ZMAT4: variants seen among roughly 807,000 people sequenced by gnomAD.
ZMAT4 encodes the protein zinc finger matrin-type protein 4.
Under a neutral mutation model 28.7 loss-of-function variants are expected in ZMAT4, and 17 were observed. The observed-to-expected ratio is 0.59, with a 90% CI of 0.41 to 0.89. The LOEUF (loss-of-function observed/expected upper bound fraction) is 0.89, where lower values mean the gene tolerates loss of function less well. Among genes scored for constraint, ZMAT4 ranks in the 40% least tolerant of loss-of-function variants. The probability of loss-of-function intolerance (pLI) is 0.00; values close to 1 mark genes in which losing one functional copy is unlikely to be tolerated. For missense variants in ZMAT4, 240 were observed against 283.8 expected, an observed-to-expected ratio of 0.85 and a Z score of 1.11; for synonymous variants, 117 against 109.2, an observed-to-expected ratio of 1.07 and a Z score of -0.44.
chr8:40,645,327 A>G (rs1211417414), intron 5 of ZMAT4, among the ~76,000 whole-genome samples: 1 of 152,166 alleles, frequency 6.6e-6, no homozygotes, highest in Non-Finnish European at 1.5e-5. Flanking sequence ...ATAAGAAAGA[A>G]CCTAACTTTA....
At chr8:40,841,718 C>T (rs565134142) in intron 1 of ZMAT4, among the ~76,000 whole-genome samples, 7 of 152,200 alleles carry the variant, frequency 4.6e-5, no homozygotes, top group East Asian at 3.9e-4. Context: ...CACTTTAGCC[C>T]GATAATAATA....
chr8:40,829,602 G>A (rs1441851432), intron 1 of ZMAT4, among the ~76,000 whole-genome samples: 3 of 152,152 alleles, frequency 2.0e-5, no homozygotes, highest in East Asian at 1.9e-4. Flanking sequence ...GATAACAGAG[G>A]CACAACCCCT....
At chr8:40,560,198 T>C (rs530837797) in intron 6 of ZMAT4, among the ~76,000 whole-genome samples, 298 of 3,248 alleles carry the variant, frequency 0.092, 4 homozygotes, top group Admixed American at 0.14. Context: ...TGTCAAACTT[T>C]ATATATATAT....
chr8:40,533,124 G>A (rs148807959), intron 6 of ZMAT4, among the ~76,000 whole-genome samples: 21 of 152,124 alleles, frequency 1.4e-4, no homozygotes, highest in African/African-American at 4.3e-4. Flanking sequence ...TGCCTACTAC[G>A]AGTCATGAAT....
intron 2 of ZMAT4, among the ~76,000 whole-genome samples, chr8:40,822,430 A>G (rs969377402): frequency 6.6e-6 from 1 of 152,248 alleles, no homozygotes; most frequent in African/African-American, 2.4e-5. Flanking sequence ...GGGCATGGAG[A>G]CTAAGTGTGA....
At chr8:40,800,080 C>G (rs1191033853) in intron 2 of ZMAT4, among the ~76,000 whole-genome samples, 1 of 152,182 alleles carries the variant, frequency 6.6e-6, no homozygotes, top group African/African-American at 2.4e-5. Context: ...TAACTACAGT[C>G]ATTTGCTGCA....
At chr8:40,729,761 G>C (rs1811460479) in intron 3 of ZMAT4, among the ~76,000 whole-genome samples, 1 of 152,018 alleles carries the variant, frequency 6.6e-6, no homozygotes, top group Non-Finnish European at 1.5e-5. Flanking sequence ...ACCACACCCA[G>C]CTAATCTTTG....
chr8:40,803,612 T>G (rs1814948884), intron 2 of ZMAT4, among the ~76,000 whole-genome samples: 1 of 152,150 alleles, frequency 6.6e-6, no homozygotes, highest in Admixed American at 6.5e-5. Flanking sequence ...CATCAGGAGC[T>G]CTCATCATTG....
chr8:40,752,065 T>C lies in ZMAT4; in HGVS notation c.192+15576A>G, dbSNP rs570532211. 1.6e-4 allele frequency among the ~76,000 whole-genome samples: 24 copies of C among 152,212 alleles called. No homozygotes were observed. The South Asian group carries it at 3.3e-3, about 21-fold the overall frequency. On this transcript the variant is annotated intron_variant, in intron 3 of 6. Coordinates refer to ENST00000297737, the MANE Select transcript of ZMAT4 (RefSeq NM_024645.3). ...TGAGATCCCAAGACCACACCTGAGTTCTACCAGCTGTTTAAGTAACCCCAG... is the reference window on the plus strand; with the variant it reads ...TGAGATCCCAAGACCACACCTGAGTCCTACCAGCTGTTTAAGTAACCCCAG...
At chr8:40,625,243 T>C (rs2122949) in intron 5 of ZMAT4, among the ~76,000 whole-genome samples, 136,483 of 152,066 alleles carry the variant, frequency 0.9, 61,801 homozygotes, top group Middle Eastern at 0.99. Flanking sequence ...GGGAAGGCAG[T>C]GAGGGACAGG....
rs572290287 is a variant in ZMAT4, at chr8:40,604,626, A to AT, written c.578-23366dup. Among the ~76,000 whole-genome samples the AT allele has an allele frequency of 1.8e-3, 280 of 152,148 alleles. 3 individuals are homozygous for AT. The highest frequency in any genetic ancestry group is 6.2e-3 in the African/African-American group (258 of 41,524). ...ATGCTGTTGGATTTGGTTAGCTGGT[A>AT]TTTTTTTGAGGATTTTTGCATCTAT... On this transcript the variant is annotated intron_variant, in intron 5 of 6. Transcript: ENST00000297737.
At chr8:40,887,975 C>A (rs1438035526) in intron 1 of ZMAT4, among the ~76,000 whole-genome samples, 1 of 152,218 alleles carries the variant, frequency 6.6e-6, no homozygotes, top group Non-Finnish European at 1.5e-5. Context: ...ACCCCTCCTG[C>A]CTCCCATGAG....
At chr8:40,852,755 A>G (rs1308995923) in intron 1 of ZMAT4, among the ~76,000 whole-genome samples, 1 of 152,226 alleles carries the variant, frequency 6.6e-6, no homozygotes, top group Admixed American at 6.5e-5. Context: ...TGCATTGGTA[A>G]AACTGTTCAG....
At chr8:40,710,842 G>A (rs141653855) in intron 3 of ZMAT4, among the ~76,000 whole-genome samples, 40,807 of 151,570 alleles carry the variant, frequency 0.27, 6,869 homozygotes, top group Middle Eastern at 0.43. Context: ...GTGCAGTGGC[G>A]CGATCTCGGC....
intron 1 of ZMAT4, among the ~76,000 whole-genome samples, chr8:40,853,286 G>C (rs1191432890): frequency 6.6e-6 from 1 of 152,214 alleles, no homozygotes; most frequent in Non-Finnish European, 1.5e-5. Flanking sequence ...GCTGGGCGCA[G>C]TGGCTCACGC....
intron 3 of ZMAT4, among the ~76,000 whole-genome samples, chr8:40,765,539 GT>G (rs1257452501): frequency 1.3e-5 from 2 of 152,166 alleles, no homozygotes; most frequent in Admixed American, 1.3e-4. Context: ...GTAGATCAAG[GT>G]TTTTCAAAAC....
intron 4 of ZMAT4, among the ~76,000 whole-genome samples, chr8:40,686,964 C>G (rs942902372): frequency 6.6e-6 from 1 of 151,970 alleles, no homozygotes; most frequent in Non-Finnish European, 1.5e-5. Context: ...CTGTGAAGAA[C>G]ATGAGGCGGG....
intron 6 of ZMAT4, among the ~76,000 whole-genome samples, chr8:40,536,715 C>T (rs1317841575): frequency 1.3e-5 from 2 of 151,972 alleles, no homozygotes; most frequent in African/African-American, 2.4e-5. Context: ...TCTTCCAGAT[C>T]GTGTTTCCTG....
chr8:40,592,288 CT>C (rs1804921052), intron 5 of ZMAT4, among the ~76,000 whole-genome samples: 1 of 152,184 alleles, frequency 6.6e-6, no homozygotes, highest in South Asian at 2.1e-4. Context: ...GTGAAAACAG[CT>C]CTTCCCTCTG....
Sources: allele counts gnomAD v4.1 joint callset (sites outside exome capture counted in the v4.1 genomes callset), GRCh38; gene constraint gnomAD v4.1.1; transcripts MANE v1.5; gene names NCBI Gene and HGNC (gene_info 2026-07-23, HGNC 2026-07-21).